The following NTM variants were observed in gnomAD, a reference collection of about 807,000 sequenced individuals.
The protein encoded by NTM is neurotrimin.
NTM carries 13 observed loss-of-function variants against 42.1 expected under a neutral mutation model. The ratio of observed to expected loss-of-function variants is 0.31; its 90% CI spans 0.20 to 0.49. The LOEUF (loss-of-function observed/expected upper bound fraction) is 0.49, where lower values mean the gene tolerates loss of function less well. Among genes scored for constraint, NTM ranks in the 20% least tolerant of loss-of-function variants. The pLI, the probability that NTM is intolerant of heterozygous loss-of-function variation, is 0.99. For missense variants in NTM, 373 were observed against 452.8 expected (o/e 0.82, Z 1.60); for synonymous variants, 187 against 179.2 (o/e 1.04, Z -0.35).
intron 1 of NTM, among the ~76,000 whole-genome samples, chr11:131,678,478 T>C (rs2463407): frequency 0.74 from 112,563 of 151,864 alleles, 41,874 homozygotes; most frequent in East Asian, 0.8. Context: ...TGCTTGATCA[T>C]GGCAGAGAAA....
intron 1 of NTM, among the ~76,000 whole-genome samples, chr11:131,861,051 C>G (rs2046581638): frequency 1.3e-5 from 2 of 152,144 alleles, no homozygotes; most frequent in African/African-American, 4.8e-5. Context: ...ATTTCTTCAG[C>G]CCTACCCCTG....
intron 1 of NTM, among the ~76,000 whole-genome samples, chr11:131,521,270 G>A (rs1445348040): frequency 1.6e-4 from 24 of 149,434 alleles, no homozygotes; most frequent in Admixed American, 1.5e-3. Flanking sequence ...AGCCAAGATC[G>A]TGCCACTGTA....
At chr11:131,916,370 T>C (rs532820208) in intron 2 of NTM, among the ~76,000 whole-genome samples, 59 of 152,362 alleles carry the variant, frequency 3.9e-4, no homozygotes, top group African/African-American at 1.4e-3. Context: ...AGTGCATTCT[T>C]TCCTGGGGAT....
At chr11:131,928,120 ATAT>A (rs1410386499) in intron 2 of NTM, among the ~76,000 whole-genome samples, 1 of 152,128 alleles carries the variant, frequency 6.6e-6, no homozygotes, top group African/African-American at 2.4e-5. Context: ...CATCACCATA[ATAT>A]TAATAATAAC....
chr11:132,029,216 T>G (rs1356297297), intron 2 of NTM, among the ~76,000 whole-genome samples: 1 of 152,050 alleles, frequency 6.6e-6, no homozygotes, highest in Non-Finnish European at 1.5e-5. Flanking sequence ...ATTCTTTAAG[T>G]TTTAGGGTAC....
At chr11:132,042,979 A>G (rs2077405129) in intron 2 of NTM, among the ~76,000 whole-genome samples, 1 of 152,170 alleles carries the variant, frequency 6.6e-6, no homozygotes. Flanking sequence ...TGAGCTTATT[A>G]CTGTTGATTT....
At chr11:131,804,502 G>T (rs1043050177) in intron 1 of NTM, among the ~76,000 whole-genome samples, 1 of 152,084 alleles carries the variant, frequency 6.6e-6, no homozygotes, top group African/African-American at 2.4e-5. Flanking sequence ...TGAGACCTCT[G>T]GATTTGATCC....
At chr11:132,186,896 C>A (rs1473056270) in intron 3 of NTM, among the ~76,000 whole-genome samples, 1 of 152,202 alleles carries the variant, frequency 6.6e-6, no homozygotes, top group South Asian at 2.1e-4. Context: ...TTTCCTCAAA[C>A]GCTAGGTGGC....
chr11:131,805,246 T>A (rs1394313360), intron 1 of NTM, among the ~76,000 whole-genome samples: 1 of 152,224 alleles, frequency 6.6e-6, no homozygotes, highest in African/African-American at 2.4e-5. Flanking sequence ...TTTCTTTACA[T>A]GAGCATGTAC....
At chr11:131,871,085 G>A (rs2047732431) in intron 1 of NTM, among the ~76,000 whole-genome samples, 1 of 152,176 alleles carries the variant, frequency 6.6e-6, no homozygotes, top group Non-Finnish European at 1.5e-5. Context: ...TCTATTGTGA[G>A]TTTATTATCT....
intron 1 of NTM, among the ~76,000 whole-genome samples, chr11:131,549,746 A>G (rs1440843125): frequency 1.3e-5 from 2 of 152,228 alleles, no homozygotes. Context: ...ATTCAAAGCT[A>G]TTACATGCAG....
chr11:131,824,263 T>G (rs560955469), intron 1 of NTM, among the ~76,000 whole-genome samples: 33 of 152,318 alleles, frequency 2.2e-4, no homozygotes, highest in African/African-American at 7.7e-4. Context: ...GTAGTAATTA[T>G]CCATTACATT....
At chr11:132,206,473 T>C (rs1006425374) in intron 3 of NTM, among the ~76,000 whole-genome samples, 1 of 152,226 alleles carries the variant, frequency 6.6e-6, no homozygotes, top group Non-Finnish European at 1.5e-5. Context: ...CAGAAACTGT[T>C]CTCAATGCAT....
intron 3 of NTM, among the ~76,000 whole-genome samples, chr11:132,206,959 C>G (rs2082074426): frequency 6.6e-6 from 1 of 152,204 alleles, no homozygotes; most frequent in Non-Finnish European, 1.5e-5. Context: ...TTTACATGCC[C>G]TGTTTCCTCA....
intron 3 of NTM, among the ~76,000 whole-genome samples, chr11:132,200,175 G>A (rs1484947731): frequency 1.3e-5 from 2 of 152,116 alleles, no homozygotes; most frequent in Non-Finnish European, 1.5e-5. Flanking sequence ...TAAGGTCTTG[G>A]AACACAAAAT....
At chr11:131,631,113 T>C (rs2246649) in intron 1 of NTM, among the ~76,000 whole-genome samples, 111,734 of 152,042 alleles carry the variant, frequency 0.73, 42,154 homozygotes, top group Non-Finnish European at 0.83. Context: ...CAGAAATACG[T>C]GGAATTCAGT....
chr11:132,186,015 G>A (rs1055720442), intron 3 of NTM, among the ~76,000 whole-genome samples: 4 of 152,228 alleles, frequency 2.6e-5, no homozygotes, highest in Admixed American at 1.3e-4. Context: ...GGGATTACGG[G>A]AAGAATGAAG....
chr11:131,630,141 T>C (rs1211780245), intron 1 of NTM, among the ~76,000 whole-genome samples: 3 of 152,280 alleles, frequency 2.0e-5, no homozygotes, highest in African/African-American at 7.2e-5. Context: ...CACGGCTCCA[T>C]CTACCGGCAA....
At chr11:132,033,153 A>G (rs1209796326) in intron 2 of NTM, among the ~76,000 whole-genome samples, 1 of 152,220 alleles carries the variant, frequency 6.6e-6, no homozygotes, top group East Asian at 1.9e-4. Context: ...GAGCACGCTC[A>G]TGGCTGCGGG....
Sources: gnomAD v4.1 joint callset for allele counts (sites outside exome capture counted in the v4.1 genomes callset) on GRCh38, gnomAD v4.1.1 for gene constraint, MANE v1.5 for transcripts, NCBI Gene and HGNC (gene_info 2026-07-23, HGNC 2026-07-21) for gene names.